Variants in CFAP61 observed in about 807,000 individuals in gnomAD.
The protein encoded by CFAP61 is cilia- and flagella-associated protein 61.
In CFAP61, 107 loss-of-function variants were observed where a neutral mutation model predicts 135.6. The observed-to-expected ratio is 0.79, with a 90% CI of 0.67 to 0.93. CFAP61 has a LOEUF of 0.93. CFAP61 is among the 40% of genes least tolerant of loss of function. The pLI is 0.00. For synonymous variants in CFAP61, 575 were observed against 578.5 expected (o/e 0.99, Z 0.09); for missense variants, 1,507 against 1,556.2 (o/e 0.97, Z 0.53).
intron 17 of CFAP61, chr20:20,226,251 G>T (rs2048727947): frequency 6.6e-6 from 1 of 152,158 alleles, no homozygotes; most frequent in Non-Finnish European, 1.5e-5. Flanking sequence ...GCTTTGGCCA[G>T]ATTTTAAAAG....
intron 25 of CFAP61, among the ~76,000 whole-genome samples, chr20:20,336,897 C>T (rs548310151): frequency 4.6e-5 from 7 of 152,350 alleles, no homozygotes; most frequent in African/African-American, 7.2e-5. Flanking sequence ...ATTCTCCACC[C>T]CCACCCACCA....
At chr20:20,271,521 T>G (rs2053351151) in intron 21 of CFAP61, among the ~76,000 whole-genome samples, 1 of 152,174 alleles carries the variant, frequency 6.6e-6, no homozygotes, top group Non-Finnish European at 1.5e-5. Flanking sequence ...TGCCACTGGT[T>G]AGCAGTGCGA....
chr20:20,085,332 A>G (rs2046720942), intron 6 of CFAP61: 10 of 1,236,864 alleles, frequency 8.1e-6, no homozygotes, highest in South Asian at 2.9e-5. Context: ...GTCATATGCC[A>G]TTTGAGACTA....
intron 21 of CFAP61, among the ~76,000 whole-genome samples, chr20:20,269,142 TATATAC>T (rs1407721312): frequency 4.7e-5 from 4 of 85,652 alleles, no homozygotes; most frequent in African/African-American, 1.5e-4. Context: ...TATATATATA[TATATAC>T]ACACACACAC....
chr20:20,346,657 C>G (rs1442455749), intron 26 of CFAP61, among the ~76,000 whole-genome samples: 1 of 152,210 alleles, frequency 6.6e-6, no homozygotes, highest in Non-Finnish European at 1.5e-5. Context: ...CACAGCATCA[C>G]TGACCAAGGT....
At chr20:20,315,201 A>T (rs1018166649) in intron 25 of CFAP61, among the ~76,000 whole-genome samples, 1 of 151,822 alleles carries the variant, frequency 6.6e-6, no homozygotes, top group Non-Finnish European at 1.5e-5. Context: ...AGCACCTGTT[A>T]TTTCCTGACT....
At chr20:20,350,029 A>G (rs1267798332) in intron 26 of CFAP61, among the ~76,000 whole-genome samples, 1 of 152,236 alleles carries the variant, frequency 6.6e-6, no homozygotes, top group Non-Finnish European at 1.5e-5. Context: ...ATGAGAATAG[A>G]TATATAGATC....
intron 9 of CFAP61, among the ~76,000 whole-genome samples, chr20:20,143,526 C>T (rs559385268): frequency 2.6e-5 from 4 of 152,184 alleles, no homozygotes; most frequent in Admixed American, 6.5e-5. Flanking sequence ...GGTGCAGTAA[C>T]GGAGACTGGA....
intron 7 of CFAP61, among the ~76,000 whole-genome samples, chr20:20,096,152 A>G (rs1038967056): frequency 2.6e-5 from 4 of 152,118 alleles, no homozygotes; most frequent in African/African-American, 9.7e-5. Context: ...AGTCCATTAA[A>G]TCCATTTTTT....
intron 18 of CFAP61, chr20:20,233,023 C>T (rs1366798898): frequency 6.6e-6 from 1 of 152,182 alleles, no homozygotes; most frequent in African/African-American, 2.4e-5. Flanking sequence ...CACTGATCCC[C>T]TCATCTGGTT....
chr20:20,179,800 G>T (rs115383204), intron 13 of CFAP61, among the ~76,000 whole-genome samples: 2 of 152,146 alleles, frequency 1.3e-5, no homozygotes, highest in Admixed American at 1.3e-4. Flanking sequence ...TCAATAAATC[G>T]TGCTGGGATA....
intron 18 of CFAP61, chr20:20,233,031 G>A (rs1434228156): frequency 6.6e-6 from 1 of 152,188 alleles, no homozygotes; most frequent in Non-Finnish European, 1.5e-5. Context: ...CCCTCATCTG[G>A]TTGAATGTGT....
chr20:20,261,995 A>G (rs1454034241), intron 20 of CFAP61, among the ~76,000 whole-genome samples: 8 of 152,240 alleles, frequency 5.3e-5, no homozygotes, highest in African/African-American at 1.9e-4. Context: ...CTGACAAGAC[A>G]AGGAATAATC....
rs2048904898 is a variant in CFAP61 at position 20,228,563 on chromosome 20, G to A, written c.2060+187G>A. On this transcript the variant is annotated intron_variant, in intron 18 of 26. Transcript: ENST00000245957. ...GGGGTTAGCAAACTATAGCCCTGAG[G>A]CCAGGCCTGGCTTGCCAACTGCTTT... 1.1e-5 allele frequency: 5 copies of A among 472,888 alleles called. No individual in the cohort carries two copies. In the East Asian group the frequency reaches 1.2e-4, roughly 12 times the overall value. The allele number at this position is 472,888 out of a possible 1,614,324, so 29.3% of individuals were successfully genotyped here.
chr20:20,312,149 C>T (rs555851037), intron 25 of CFAP61, among the ~76,000 whole-genome samples: 41 of 152,094 alleles, frequency 2.7e-4, no homozygotes, highest in African/African-American at 9.2e-4. Flanking sequence ...ACTGAGAAGG[C>T]AAAGAAACAA....
intron 13 of CFAP61, among the ~76,000 whole-genome samples, chr20:20,174,948 CA>C (rs908418254): frequency 1.3e-5 from 2 of 152,328 alleles, no homozygotes; most frequent in African/African-American, 4.8e-5. Context: ...CCCGCGTCCC[CA>C]TGGCATTCTC....
intron 1 of CFAP61, among the ~76,000 whole-genome samples, chr20:20,053,992 C>CTG (rs1375844245): frequency 3.4e-4 from 39 of 113,558 alleles, no homozygotes; most frequent in African/African-American, 1.3e-3. Flanking sequence ...CAGTTCATCT[C>CTG]TGTGTGTGTT....
rs11475264 is a variant in CFAP61, at chr20:20,216,795, A to ATT, written c.1933-11443_1933-11442dup. 2.0e-5 allele frequency among the ~76,000 whole-genome samples: 3 copies of ATT among 149,240 alleles called. No individual in the cohort carries two copies. In the South Asian group the frequency reaches 6.4e-4, roughly 32 times the overall value. Reference sequence around the variant, plus strand: ...AAAACAGTGGAAATTTTCTATACCAATTTTTTTTTTTTCATGGGATGGGAT... The same window carrying ATT: ...AAAACAGTGGAAATTTTCTATACCAATTTTTTTTTTTTTTCATGGGATGGGAT... On this transcript the variant is annotated intron_variant, in intron 17 of 26. Coordinates refer to ENST00000245957, the MANE Select transcript of CFAP61 (RefSeq NM_015585.4).
chr20:20,244,349 C>A (rs2050263622), intron 18 of CFAP61, among the ~76,000 whole-genome samples: 1 of 152,230 alleles, frequency 6.6e-6, no homozygotes, highest in Non-Finnish European at 1.5e-5. Flanking sequence ...GACATCCAGG[C>A]ATATCCATAC....
Sources: allele counts gnomAD v4.1 joint callset (sites outside exome capture counted in the v4.1 genomes callset), GRCh38; gene constraint gnomAD v4.1.1; transcripts MANE v1.5; gene names NCBI Gene and HGNC (gene_info 2026-07-23, HGNC 2026-07-21).